The following TNIP1 variants were observed in gnomAD, a reference collection of about 807,000 sequenced individuals.
The protein encoded by TNIP1 is TNFAIP3 interacting protein 1.
A neutral mutation model predicts 86.6 loss-of-function variants in TNIP1; 22 were observed. That is an observed-to-expected ratio of 0.25 (90% CI 0.18 to 0.36). TNIP1 has a LOEUF of 0.36. Ranked by LOEUF, TNIP1 falls within the 10% of genes least tolerant of loss-of-function variation. TNIP1 has a pLI of 1.00. For synonymous variants in TNIP1, 294 were observed against 313.0 expected, an observed-to-expected ratio of 0.94 and a Z score of 0.64; for missense variants, 709 against 820.6, an observed-to-expected ratio of 0.86 and a Z score of 1.66.
Position 151,056,892 on chromosome 5 carries a change from C to T in TNIP1, c.501G>A (p.Thr167=), listed in dbSNP as rs755351889. The part of the protein sequence containing the change: ...LMLHLQRLET[T]LSVCAEEPDH... ...CCGGCTCCTCGGCACACACACTCAG[C>T]GTGGTCTCCAGGCGCTGCAGGTGCA... is the stretch of plus-strand genomic sequence containing the variant. The change falls in exon 6 of 18, where the codon ACG becomes ACA. Residue 167 remains threonine (T), a synonymous_variant. Transcript: ENST00000521591. The T allele has an allele frequency of 3.7e-6, 6 of 1,601,784 alleles. No individual in the cohort carries two copies. Among genetic ancestry groups the T allele is most frequent in the Admixed American group, 1.7e-5 (1 of 58,394 alleles).
Position 151,030,093 on chromosome 5 carries a change from G to A in TNIP1, c.*620C>T, listed in dbSNP as rs566201652. On this transcript the variant is annotated 3_prime_UTR_variant, in exon 18 of 18. Transcript: ENST00000521591. The stretch of plus-strand genomic sequence containing the variant: ...CCTCAGGGCCTGGCAGCTTCAGGCT[G>A]GCGCCCCTCGGCGGACGTGGCTGGC... 44 of 456,882 alleles carry A rather than the reference G, an allele frequency of 9.6e-5. No individual in the cohort carries two copies. In the Middle Eastern group the frequency reaches 3.9e-3, roughly 41 times the overall value. The allele number at this position is 456,882 out of a possible 1,614,324, so 28.3% of individuals were successfully genotyped here.
chr5:151,059,796 AG>A (rs1761166027), intron 5 of TNIP1, among the ~76,000 whole-genome samples: 1 of 102,022 alleles, frequency 9.8e-6, no homozygotes, highest in Admixed American at 1.0e-4. Flanking sequence ...AGAGAGAGAG[AG>A]AGAGAGAGAG....
intron 4 of TNIP1, among the ~76,000 whole-genome samples, 191 bp from the exon 5 acceptor site, chr5:151,060,586 T>C (rs1385428295): frequency 6.6e-6 from 1 of 152,214 alleles, no homozygotes; most frequent in Non-Finnish European, 1.5e-5. Flanking sequence ...CTCTGCATAA[T>C]GTGAGGTCAT....
Position 151,033,603 on chromosome 5 carries a change from C to A in TNIP1, c.1779+5G>T. On this transcript the variant is annotated splice_donor_5th_base_variant and intron_variant, in intron 16 of 17. Transcript: ENST00000521591. Reference sequence around the variant, plus strand: ...CCCTGGAGCAAGGGAGGGACACAGACTCACCAGATGGAAGAGGCGCGAGTT... The same window carrying A: ...CCCTGGAGCAAGGGAGGGACACAGAATCACCAGATGGAAGAGGCGCGAGTT... 2 of 1,389,868 alleles carry A rather than the reference C, an allele frequency of 1.4e-6. No homozygotes were observed. Among genetic ancestry groups the A allele is most frequent in the East Asian group, 2.7e-5 (1 of 37,154 alleles). 86.1% of individuals were successfully genotyped at this position (1,389,868 alleles called of 1,614,324 possible). A position where few individuals can be genotyped will look rare whatever the true frequency, so the allele number is the denominator to read the frequency against.
At chr5:151,039,407 G>A (rs1758133397) in intron 11 of TNIP1, among the ~76,000 whole-genome samples, 182 bp from the exon 12 acceptor site, 1 of 151,990 alleles carries the variant, frequency 6.6e-6, no homozygotes, top group Non-Finnish European at 1.5e-5. Flanking sequence ...ATTATTATGT[G>A]TCAATTTAAA....
chr5:151,052,329 G>T, intron 6 of TNIP1, 70 bp from the exon 7 acceptor site: 1 of 1,340,558 alleles, frequency 7.5e-7, no homozygotes, highest in Non-Finnish European at 1.0e-6. Flanking sequence ...TGAGCTAGAG[G>T]ATGGTGGGGG....
At chr5:151,082,982 TA>T (rs908027808), upstream of TNIP1, among the ~76,000 whole-genome samples, 1 of 150,834 alleles carries the variant, frequency 6.6e-6, no homozygotes, top group Non-Finnish European at 1.5e-5. Context: ...GGACTTACTC[TA>T]GGCCACACAC....
At chr5:151,060,279 G>T in intron 5 of TNIP1, 39 bp downstream of exon 5, 1 of 1,607,942 alleles carries the variant, frequency 6.2e-7, no homozygotes, top group South Asian at 1.1e-5. Context: ...ACACAAAGAG[G>T]GCAGCAGGTC....
chr5:151,065,443 C>T (rs1009180463), intron 1 of TNIP1, among the ~76,000 whole-genome samples: 3 of 152,102 alleles, frequency 2.0e-5, no homozygotes, highest in African/African-American at 7.2e-5. Context: ...AAAAAAAAAT[C>T]TGAGTTCATG....
At chr5:151,050,744 C>A (rs1475320929) in intron 7 of TNIP1, among the ~76,000 whole-genome samples, 1 of 152,094 alleles carries the variant, frequency 6.6e-6, no homozygotes, top group Non-Finnish European at 1.5e-5. Context: ...AGTAATCCTC[C>A]CACCTCAGCC....
At chr5:151,032,193 G>C (rs1033970199) in intron 17 of TNIP1, 94 bp downstream of exon 17, 2 of 1,114,824 alleles carry the variant, frequency 1.8e-6, no homozygotes, top group Non-Finnish European at 2.6e-6. Context: ...ACCAAGAGCA[G>C]AAACTAACGA....
In TNIP1 at chr5:151,036,993, C is replaced by T. The variant is rs541398848; in HGVS notation, c.1264-72G>A. ...CAGGGCCCTTTGGAGGGGTCATCCT[C>T]AGGGAACTCCTTCCTAATAATAATC... is the stretch of plus-strand genomic sequence containing the variant. On this transcript the variant is annotated intron_variant, in intron 12 of 17. Coordinates refer to ENST00000521591, the MANE Select transcript of TNIP1 (RefSeq NM_006058.5). The T allele has an allele frequency of 2.5e-5, 38 of 1,502,570 alleles. No homozygotes were observed. The African/African-American group carries it at 5.2e-4, about 21-fold the overall frequency. 93.1% of individuals were successfully genotyped at this position (1,502,570 alleles called of 1,614,324 possible).
intron 8 of TNIP1, among the ~76,000 whole-genome samples, chr5:151,047,934 T>C (rs1488554072): frequency 6.6e-6 from 1 of 151,946 alleles, no homozygotes; most frequent in African/African-American, 2.4e-5. Context: ...ATTCTCAGCG[T>C]TCTCTTTCCA....
At chr5:151,032,691 A>C in intron 16 of TNIP1, 1 of 344,290 alleles carries the variant, frequency 2.9e-6, no homozygotes, top group Non-Finnish European at 5.3e-6. Flanking sequence ...GAAGGGTCAT[A>C]TGGGAGAAGC....
intron 1 of TNIP1, among the ~76,000 whole-genome samples, chr5:151,070,981 C>T (rs1487856389): frequency 6.6e-6 from 1 of 151,834 alleles, no homozygotes; most frequent in Non-Finnish European, 1.5e-5. Context: ...AAAAAATCTA[C>T]CACTCTGGTG....
At chr5:151,046,073 A>G (rs984490224) in intron 8 of TNIP1, 123 bp from the exon 9 acceptor site, 20 of 753,488 alleles carry the variant, frequency 2.7e-5, no homozygotes, top group Non-Finnish European at 4.3e-5. Flanking sequence ...TATTCCTCCC[A>G]CCCAGCAGGA....
At chr5:151,077,968 G>A (rs749880638) in intron 1 of TNIP1, among the ~76,000 whole-genome samples, 2 of 152,176 alleles carry the variant, frequency 1.3e-5, no homozygotes, top group Non-Finnish European at 2.9e-5. Flanking sequence ...GTTCCACTCT[G>A]CACTTTGTCA....
chr5:151,036,737 A>C lies in TNIP1; in HGVS notation c.1395+53T>G, dbSNP rs1019988876. 4.3e-6 allele frequency: 7 copies of C among 1,612,308 alleles called. No individual in the cohort carries two copies. In the Admixed American group the frequency reaches 5.0e-5, roughly 12 times the overall value. On this transcript the variant is annotated intron_variant, in intron 13 of 17. Coordinates refer to ENST00000521591, the MANE Select transcript of TNIP1 (RefSeq NM_006058.5). ...TCCAAGCCGTCTGGGCCCTCAGGAA[A>C]GCTCCAGCTCCCACAGAGCACCTCC...
intron 11 of TNIP1, 101 bp downstream of exon 11, chr5:151,042,439 C>T: frequency 1.3e-6 from 2 of 1,514,440 alleles, no homozygotes; most frequent in African/African-American, 1.4e-5. Context: ...CGCACTAGAC[C>T]CCCGGGTCTC....
Sources: allele counts gnomAD v4.1 joint callset (sites outside exome capture counted in the v4.1 genomes callset), GRCh38; gene constraint gnomAD v4.1.1; transcripts MANE v1.5; gene names NCBI Gene and HGNC (gene_info 2026-07-23, HGNC 2026-07-21).